PCLO: variants seen among roughly 807,000 people sequenced by gnomAD.
PCLO encodes piccolo presynaptic cytomatrix protein.
PCLO carries 82 observed loss-of-function variants against 427.5 expected under a neutral mutation model. The observed-to-expected ratio is 0.19, with a 90% CI of 0.16 to 0.23. PCLO has a LOEUF of 0.23. Among genes scored for constraint, PCLO ranks in the 10% least tolerant of loss-of-function variants. The probability of loss-of-function intolerance (pLI) is 1.00; values close to 1 mark genes in which losing one functional copy is unlikely to be tolerated. For missense variants in PCLO, 6,239 were observed against 6,115.9 expected, an observed-to-expected ratio of 1.02 and a Z score of -0.67; for synonymous variants, 2,357 against 2,155.4, an observed-to-expected ratio of 1.09 and a Z score of -2.59.
At chr7:82,798,756 T>G (rs2129468594) in intron 22 of PCLO, among the ~76,000 whole-genome samples, 1 of 152,324 alleles carries the variant, frequency 6.6e-6, no homozygotes, top group African/African-American at 2.4e-5. Context: ...GATTATAAAT[T>G]TGATTATTGT....
intron 3 of PCLO, among the ~76,000 whole-genome samples, chr7:82,968,805 C>T (rs1795838506): frequency 6.6e-6 from 1 of 152,070 alleles, no homozygotes; most frequent in Admixed American, 6.6e-5. Flanking sequence ...AGGCATGAGC[C>T]ACTGCGCCCA....
chr7:82,880,404 G>A (rs1268708313), intron 9 of PCLO: 8 of 414,332 alleles, frequency 1.9e-5, no homozygotes, highest in African/African-American at 6.1e-5. Context: ...TATTTGAATA[G>A]CTCTATTCTT....
intron 7 of PCLO, among the ~76,000 whole-genome samples, chr7:82,912,879 A>G (rs970345071): frequency 2.0e-5 from 3 of 152,068 alleles, no homozygotes; most frequent in Non-Finnish European, 4.4e-5. Flanking sequence ...ATATATGCTC[A>G]TGATGTACAC....
At chr7:83,012,757 A>G (rs999777780) in intron 3 of PCLO, among the ~76,000 whole-genome samples, 3 of 152,150 alleles carry the variant, frequency 2.0e-5, no homozygotes, top group African/African-American at 7.2e-5. Context: ...GCACAGCTCA[A>G]GAAAACATCC....
intron 3 of PCLO, among the ~76,000 whole-genome samples, chr7:83,092,550 G>C (rs941360538): frequency 1.3e-5 from 2 of 152,100 alleles, no homozygotes; most frequent in African/African-American, 4.8e-5. Context: ...TCACCTCTCA[G>C]ATCTTTTTCT....
At chr7:82,854,196 C>T (rs1792741969) in intron 10 of PCLO, among the ~76,000 whole-genome samples, 1 of 151,972 alleles carries the variant, frequency 6.6e-6, no homozygotes, top group African/African-American at 2.4e-5. Flanking sequence ...CCAATGGTGT[C>T]CCCCTTACTG....
At position 82,916,005 on chromosome 7, in the gene PCLO, T is replaced by C; in HGVS notation, c.11981A>G (p.Asp3994Gly). Residue 3994 changes from aspartate to glycine, a missense_variant, in exon 7 of 25, where the codon GAT becomes GGT. Transcript: ENST00000333891. ...QPLMIAPVST[D>G]NTFAVSHLGS... ...AAGATGGGAAACAGCAAATGTGTTA[T>C]CCGTAGAAACAGGTGCTATCATAAG... The C allele has an allele frequency of 6.2e-7, 1 of 1,612,794 alleles. No homozygotes were observed. The highest frequency in any genetic ancestry group is 1.1e-5 in the South Asian group (1 of 91,088).
chr7:82,868,114 TC>T (rs1227349833), intron 10 of PCLO: 1 of 456,430 alleles, frequency 2.2e-6, no homozygotes, highest in Admixed American at 2.3e-5. Context: ...TACCTGGTAA[TC>T]CCCCTGGAAC....
At chr7:83,089,255 A>G (rs187715388) in intron 3 of PCLO, among the ~76,000 whole-genome samples, 67 of 152,242 alleles carry the variant, frequency 4.4e-4, no homozygotes, top group African/African-American at 1.5e-3. Context: ...AAAAATTAGA[A>G]GTGCTTAAGC....
At chr7:82,833,947 C>T (rs548224454) in intron 16 of PCLO, among the ~76,000 whole-genome samples, 18 of 152,038 alleles carry the variant, frequency 1.2e-4, no homozygotes, top group Admixed American at 9.2e-4. Context: ...AAAATTCAAA[C>T]GCAAGTTCTT....
At chr7:83,079,337 C>G (rs2116390396) in intron 3 of PCLO, among the ~76,000 whole-genome samples, 1 of 152,008 alleles carries the variant, frequency 6.6e-6, no homozygotes, top group East Asian at 1.9e-4. Flanking sequence ...TATTTCTAAA[C>G]CGGGTCAACT....
chr7:82,825,698 C>T (rs1226563774), intron 18 of PCLO, among the ~76,000 whole-genome samples: 2 of 146,930 alleles, frequency 1.4e-5, no homozygotes, highest in Non-Finnish European at 3.0e-5. Flanking sequence ...ATTATATATA[C>T]ACTGTAGACA....
intron 3 of PCLO, among the ~76,000 whole-genome samples, chr7:83,092,737 C>G (rs1790409675): frequency 6.6e-6 from 1 of 151,922 alleles, no homozygotes; most frequent in Non-Finnish European, 1.5e-5. Flanking sequence ...ATCATGAGGT[C>G]AGGAGTTTGA....
At chr7:82,763,666 A>G (rs80070898) in intron 22 of PCLO, among the ~76,000 whole-genome samples, 3,632 of 152,178 alleles carry the variant, frequency 0.024, 166 homozygotes, top group African/African-American at 0.083. Flanking sequence ...TATCTATAAC[A>G]TATCTCTCCT....
At chr7:82,883,166 G>C (rs896582421) in intron 9 of PCLO, among the ~76,000 whole-genome samples, 2 of 151,804 alleles carry the variant, frequency 1.3e-5, no homozygotes, top group African/African-American at 4.8e-5. Context: ...AAAATATATT[G>C]CGTAGTTCAG....
At chr7:82,892,824 TGCTC>T (rs1793803949) in intron 9 of PCLO, among the ~76,000 whole-genome samples, 1 of 151,956 alleles carries the variant, frequency 6.6e-6, no homozygotes. Flanking sequence ...CATGAAAAAA[TGCTC>T]ATCATCACTG....
intron 3 of PCLO, among the ~76,000 whole-genome samples, chr7:83,063,076 C>T (rs1252444407): frequency 1.3e-5 from 2 of 152,078 alleles, no homozygotes; most frequent in East Asian, 3.9e-4. Flanking sequence ...AGCCTTGTAA[C>T]AATCTAGGTA....
chr7:82,917,465 C>G (rs79776930), intron 6 of PCLO, among the ~76,000 whole-genome samples: 10,096 of 151,886 alleles, frequency 0.066, 455 homozygotes, highest in East Asian at 0.2. Context: ...AAAGAACTGA[C>G]CAATAAAACT....
rs745563022 is a variant in PCLO at position 82,949,607 on chromosome 7, T to C, written c.10981A>G (p.Met3661Val). The change falls in exon 6 of 25, where the codon ATG (methionine) becomes GTG (valine). Residue 3661 changes from methionine to valine, a missense_variant. Physicochemically the swap from Met to Val is conservative, Grantham distance 21 (BLOSUM62 1). Around this residue, in one of 5 missense-constraint regions of PCLO, gnomAD observed 4,677 missense variants for 4,468.4 expected, o/e 1.05. Coordinates refer to ENST00000333891, the MANE Select transcript of PCLO (RefSeq NM_033026.6). ...ISPQKVLHPD[M>V]AKVPPASPKT... ...GGACTTGCTGGGGGAACTTTAGCCA[T>C]ATCTGGATGCAGTACTTTCTGTGGA... is the stretch of plus-strand genomic sequence containing the variant. The C allele has an allele frequency of 1.2e-6, 2 of 1,613,910 alleles. No homozygotes were observed. Among genetic ancestry groups the C allele is most frequent in the Non-Finnish European group, 1.7e-6 (2 of 1,179,850 alleles).
Sources: gnomAD v4.1 joint callset for allele counts (sites outside exome capture counted in the v4.1 genomes callset) on GRCh38, gnomAD v4.1.1 for gene constraint, gnomAD v4.1.1 regional missense constraint, MANE v1.5 for transcripts, NCBI Gene and HGNC (gene_info 2026-07-23, HGNC 2026-07-21) for gene names.